The following LRRC4C variants were observed in gnomAD, a reference collection of about 807,000 sequenced individuals.
LRRC4C encodes the protein leucine rich repeat containing 4C, also known as leucine-rich repeat-containing protein 4C.
In LRRC4C, 5 loss-of-function variants were observed where a neutral mutation model predicts 33.6. The observed-to-expected ratio is 0.15, with a 90% CI of 0.08 to 0.31. The LOEUF is 0.31. Ranked by LOEUF, LRRC4C falls within the 10% of genes least tolerant of loss-of-function variation. The probability of loss-of-function intolerance (pLI) is 1.00; values close to 1 mark genes in which losing one functional copy is unlikely to be tolerated. For missense variants in LRRC4C, 560 were observed against 796.7 expected (o/e 0.70, Z 3.58); for synonymous variants, 329 against 302.0 (o/e 1.09, Z -0.93).
chr11:40,903,246 T>G (rs12270646), intron 2 of LRRC4C, among the ~76,000 whole-genome samples: 13,737 of 152,218 alleles, frequency 0.09, 864 homozygotes, highest in African/African-American at 0.17. Context: ...AAAGGCTGGA[T>G]AGCAGCACAT....
At chr11:40,127,833 G>C (rs1856367189) in intron 6 of LRRC4C, among the ~76,000 whole-genome samples, 1 of 151,982 alleles carries the variant, frequency 6.6e-6, no homozygotes, top group Non-Finnish European at 1.5e-5. Flanking sequence ...AAAATATCAG[G>C]GTACACAAAA....
chr11:40,797,362 C>A (rs1301798418), intron 2 of LRRC4C, among the ~76,000 whole-genome samples: 4 of 151,884 alleles, frequency 2.6e-5, no homozygotes, highest in Non-Finnish European at 4.4e-5. Flanking sequence ...GATCCTATGG[C>A]AAATTAAGGC....
chr11:40,592,189 C>T (rs896533066), intron 3 of LRRC4C, among the ~76,000 whole-genome samples: 3 of 152,126 alleles, frequency 2.0e-5, no homozygotes, highest in Admixed American at 6.6e-5. Flanking sequence ...CAGTAAATGG[C>T]AAAAGTAACA....
intron 1 of LRRC4C, among the ~76,000 whole-genome samples, chr11:41,116,599 TC>T (rs1269975724): frequency 6.6e-6 from 1 of 152,096 alleles, no homozygotes; most frequent in Non-Finnish European, 1.5e-5. Flanking sequence ...TTTACTACGG[TC>T]ATTTTGGAGA....
chr11:40,964,362 T>G (rs984811265), intron 1 of LRRC4C, among the ~76,000 whole-genome samples: 26 of 150,940 alleles, frequency 1.7e-4, no homozygotes, highest in African/African-American at 6.3e-4. Flanking sequence ...TTAAGGGTAG[T>G]TTTTTTTTAA....
intron 2 of LRRC4C, among the ~76,000 whole-genome samples, chr11:40,750,715 A>T (rs1407481307): frequency 2.7e-5 from 4 of 150,916 alleles, no homozygotes; most frequent in Admixed American, 2.0e-4. Flanking sequence ...TGACGAGTTA[A>T]TGGGTGCAGC....
At chr11:40,706,782 C>A (rs985942374) in intron 2 of LRRC4C, among the ~76,000 whole-genome samples, 1 of 152,088 alleles carries the variant, frequency 6.6e-6, no homozygotes, top group African/African-American at 2.4e-5. Context: ...GGCATTGAAT[C>A]TCTAAATTAC....
At chr11:40,738,276 CAGACTTGGAGTGTACCA>C in intron 2 of LRRC4C, among the ~76,000 whole-genome samples, 1 of 152,170 alleles carries the variant, frequency 6.6e-6, no homozygotes, top group African/African-American at 2.4e-5. Context: ...CTGAGGCTTT[CAGACTTGGAGTGTACCA>C]CGATACGGCC....
At chr11:40,379,079 A>G (rs998099138) in intron 3 of LRRC4C, among the ~76,000 whole-genome samples, 2 of 152,150 alleles carry the variant, frequency 1.3e-5, no homozygotes, top group African/African-American at 4.8e-5. Flanking sequence ...AATCTTCTTT[A>G]AAAACTGATT....
At chr11:40,772,217 A>T (rs1426808346) in intron 2 of LRRC4C, among the ~76,000 whole-genome samples, 1 of 152,200 alleles carries the variant, frequency 6.6e-6, no homozygotes, top group South Asian at 2.1e-4. Context: ...TCCTTTTCAC[A>T]TGGTGGGAGG....
At chr11:41,260,697 A>G (rs956013589) in intron 1 of LRRC4C, among the ~76,000 whole-genome samples, 1 of 152,108 alleles carries the variant, frequency 6.6e-6, no homozygotes, top group Non-Finnish European at 1.5e-5. Context: ...GGGAATAACA[A>G]AAACAAAACT....
At chr11:40,880,291 A>T in intron 2 of LRRC4C, among the ~76,000 whole-genome samples, 1 of 152,130 alleles carries the variant, frequency 6.6e-6, no homozygotes, top group East Asian at 1.9e-4. Context: ...AGAAATTAGG[A>T]TTTAATTAAT....
At chr11:40,342,497 A>T (rs1379933383) in intron 3 of LRRC4C, among the ~76,000 whole-genome samples, 1 of 152,100 alleles carries the variant, frequency 6.6e-6, no homozygotes, top group Non-Finnish European at 1.5e-5. Flanking sequence ...CAAAGAAAAG[A>T]AAAGGCTTAT....
At chr11:40,512,532 C>A (rs1955370834) in intron 3 of LRRC4C, among the ~76,000 whole-genome samples, 1 of 152,078 alleles carries the variant, frequency 6.6e-6, no homozygotes, top group African/African-American at 2.4e-5. Flanking sequence ...ATGTAGATAT[C>A]ATCAGATGGT....
At chr11:41,370,890 T>C (rs1475947343) in intron 1 of LRRC4C, among the ~76,000 whole-genome samples, 5 of 152,106 alleles carry the variant, frequency 3.3e-5, no homozygotes, top group Non-Finnish European at 7.4e-5. Context: ...GTGGGCAACA[T>C]CCCTTCTCCT....
At chr11:40,899,146 C>CTG (rs1956098707) in intron 2 of LRRC4C, among the ~76,000 whole-genome samples, 1 of 151,642 alleles carries the variant, frequency 6.6e-6, no homozygotes, top group Non-Finnish European at 1.5e-5. Flanking sequence ...CAACTCATTC[C>CTG]AAGTATTGCC....
At chr11:40,759,493 T>C (rs1949098234) in intron 2 of LRRC4C, among the ~76,000 whole-genome samples, 1 of 151,924 alleles carries the variant, frequency 6.6e-6, no homozygotes, top group Non-Finnish European at 1.5e-5. Flanking sequence ...ACATGGGAGA[T>C]ATTCAGTACA....
intron 2 of LRRC4C, among the ~76,000 whole-genome samples, chr11:40,681,944 G>C (rs1359169289): frequency 6.6e-6 from 1 of 152,100 alleles, no homozygotes; most frequent in Non-Finnish European, 1.5e-5. Context: ...GGAACTTTGG[G>C]GGAAGAGTGG....
intron 1 of LRRC4C, among the ~76,000 whole-genome samples, chr11:40,986,097 T>C (rs960882519): frequency 1.3e-5 from 2 of 152,208 alleles, no homozygotes; most frequent in Non-Finnish European, 2.9e-5. Flanking sequence ...TTCCACATTA[T>C]ATTTGCAACA....
Sources: allele counts gnomAD v4.1 joint callset (sites outside exome capture counted in the v4.1 genomes callset), GRCh38; gene constraint gnomAD v4.1.1; transcripts MANE v1.5; gene names NCBI Gene and HGNC (gene_info 2026-07-23, HGNC 2026-07-21).